Variants in FAM120A observed in about 807,000 individuals in gnomAD.
FAM120A encodes the protein family with sequence similarity 120 member A, also known as constitutive coactivator of PPAR-gamma-like protein 1.
Under a neutral mutation model 109.7 loss-of-function variants are expected in FAM120A, and 15 were observed. That is an observed-to-expected ratio of 0.14 (90% CI 0.09 to 0.21). FAM120A has a LOEUF of 0.21. Ranked by LOEUF, FAM120A falls within the 10% of genes least tolerant of loss-of-function variation. The pLI is 1.00. For missense variants in FAM120A, 899 were observed against 1,439.3 expected, an observed-to-expected ratio of 0.62 and a Z score of 6.07; for synonymous variants, 493 against 572.8, an observed-to-expected ratio of 0.86 and a Z score of 1.99.
intron 10 of FAM120A, among the ~76,000 whole-genome samples, chr9:93,540,109 T>C (rs1011954912): frequency 2.0e-5 from 3 of 152,234 alleles, no homozygotes; most frequent in Non-Finnish European, 2.9e-5. Flanking sequence ...TCTTAGTCCC[T>C]GGATCTAGGC....
At chr9:93,476,205 C>A in intron 2 of FAM120A, 51 bp from the exon 3 acceptor site, 1 of 1,279,220 alleles carries the variant, frequency 7.8e-7, no homozygotes, top group South Asian at 1.2e-5. Flanking sequence ...TGAAAGTTTC[C>A]CTATGTTACT....
At chr9:93,526,505 T>C (rs986933108) in intron 7 of FAM120A, among the ~76,000 whole-genome samples, 4 of 151,690 alleles carry the variant, frequency 2.6e-5, no homozygotes, top group Non-Finnish European at 4.4e-5. Flanking sequence ...TCTTTTTCCT[T>C]ATCCCCTTTT....
At chr9:93,480,782 A>G (rs760131551) in intron 3 of FAM120A, among the ~76,000 whole-genome samples, 9 of 152,136 alleles carry the variant, frequency 5.9e-5, no homozygotes, top group Non-Finnish European at 1.2e-4. Context: ...TTTTGGACTC[A>G]GTGTTATAAT....
At chr9:93,548,230 A>G (rs1861963031) in intron 11 of FAM120A, among the ~76,000 whole-genome samples, 1 of 151,922 alleles carries the variant, frequency 6.6e-6, no homozygotes, top group African/African-American at 2.4e-5. Flanking sequence ...CACCCTTCCA[A>G]GTAGCTGGGA....
chr9:93,454,639 A>G (rs1386863659), intron 1 of FAM120A, among the ~76,000 whole-genome samples: 1 of 152,232 alleles, frequency 6.6e-6, no homozygotes, highest in Non-Finnish European at 1.5e-5. Flanking sequence ...TAAAAAGCAA[A>G]CATAATTCTG....
chr9:93,469,831 C>T (rs1307341115), intron 1 of FAM120A, among the ~76,000 whole-genome samples: 1 of 151,932 alleles, frequency 6.6e-6, no homozygotes, highest in African/African-American at 2.4e-5. Flanking sequence ...AAAAGGTTTG[C>T]TTTGCCTCTC....
At chr9:93,564,099 G>C (rs1862560796) in intron 17 of FAM120A, 130 bp from the exon 18 acceptor site, 1 of 884,822 alleles carries the variant, frequency 1.1e-6, no homozygotes, top group Non-Finnish European at 1.8e-6. Context: ...CAAAGACAGG[G>C]TTAGAAGGAC....
chr9:93,530,198 TG>T (rs1861273590), intron 9 of FAM120A: 1 of 147,800 alleles, frequency 6.8e-6, no homozygotes, highest in Non-Finnish European at 1.5e-5. Flanking sequence ...ACATATAGTG[TG>T]GCATCAATTA....
intron 3 of FAM120A, among the ~76,000 whole-genome samples, chr9:93,486,690 C>T (rs749367215): frequency 7.9e-5 from 12 of 151,860 alleles, no homozygotes; most frequent in Non-Finnish European, 1.6e-4. Context: ...TGTGCCACCA[C>T]GCCTGGCTAA....
intron 12 of FAM120A, among the ~76,000 whole-genome samples, chr9:93,554,990 C>T (rs1220182202): frequency 1.3e-5 from 2 of 152,206 alleles, no homozygotes; most frequent in African/African-American, 4.8e-5. Context: ...TGCTTTCCAA[C>T]AGGGTTGGCT....
In FAM120A at chr9:93,558,669, C is replaced by T. The variant is rs376063622; in HGVS notation, c.2757C>T (p.Cys919=). 49 of 1,614,128 alleles carry T rather than the reference C, an allele frequency of 3.0e-5. No homozygotes were observed. The highest frequency in any genetic ancestry group is 1.7e-4 in the Middle Eastern group (1 of 6,060). Residue 919 remains cysteine (C), a synonymous_variant, in exon 15 of 18, where the codon TGC becomes TGT. Transcript: ENST00000277165. ...GTGTGGCGGCAGCATCGGGACACTG[C>T]GGAGCCTTCTCAGGCAGTGACAGCA... is the stretch of plus-strand genomic sequence containing the variant. The part of the protein sequence containing the change: ...AFRVAAASGH[C]GAFSGSDSSR...
chr9:93,546,832 A>G (rs1409017763), intron 11 of FAM120A, among the ~76,000 whole-genome samples: 3 of 152,114 alleles, frequency 2.0e-5, no homozygotes, highest in African/African-American at 7.2e-5. Flanking sequence ...ACTATTATCA[A>G]TTTCTATTGG....
chr9:93,529,624 G>A (rs191812182), intron 9 of FAM120A, 44 bp downstream of exon 9: 3 of 1,552,856 alleles, frequency 1.9e-6, no homozygotes, highest in East Asian at 2.2e-5. Flanking sequence ...TATTTGATGA[G>A]TGGCCATTCC....
intron 2 of FAM120A, among the ~76,000 whole-genome samples, chr9:93,475,379 A>G (rs907482957): frequency 6.6e-6 from 1 of 152,220 alleles, no homozygotes; most frequent in Non-Finnish European, 1.5e-5. Context: ...ACGGATGCTC[A>G]ACCTATATTA....
chr9:93,531,404 T>C (rs1239503343), intron 9 of FAM120A: 1 of 152,260 alleles, frequency 6.6e-6, no homozygotes, highest in Non-Finnish European at 1.5e-5. Context: ...ATTTGTTGCA[T>C]GATATCTTGA....
intron 5 of FAM120A, among the ~76,000 whole-genome samples, chr9:93,507,810 A>G (rs552069504): frequency 2.6e-5 from 4 of 152,314 alleles, no homozygotes; most frequent in East Asian, 3.9e-4. Context: ...TTGGCCCTCA[A>G]TAAGAGGCAG....
At chr9:93,491,474 A>G (rs1426059551) in intron 3 of FAM120A, among the ~76,000 whole-genome samples, 1 of 152,230 alleles carries the variant, frequency 6.6e-6, no homozygotes, top group Non-Finnish European at 1.5e-5. Flanking sequence ...ATTTGGGGAA[A>G]GATGACGCTA....
At chr9:93,513,550 C>T (rs914049579) in intron 5 of FAM120A, among the ~76,000 whole-genome samples, 1 of 152,216 alleles carries the variant, frequency 6.6e-6, no homozygotes, top group African/African-American at 2.4e-5. Flanking sequence ...CCCAGCTTCT[C>T]ATACTGCAGT....
intron 1 of FAM120A, among the ~76,000 whole-genome samples, chr9:93,463,274 G>A (rs1044843658): frequency 6.6e-6 from 1 of 152,086 alleles, no homozygotes; most frequent in South Asian, 2.1e-4. Flanking sequence ...CTGTAATAAT[G>A]AGTGAAGTTG....
Sources: allele counts gnomAD v4.1 joint callset (sites outside exome capture counted in the v4.1 genomes callset), GRCh38; gene constraint gnomAD v4.1.1; transcripts MANE v1.5; gene names NCBI Gene and HGNC (gene_info 2026-07-23, HGNC 2026-07-21).